Variants in MILR1 observed in about 807,000 individuals in gnomAD.
MILR1 encodes mast cell immunoglobulin like receptor 1.
In MILR1, 31 loss-of-function variants were observed where a neutral mutation model predicts 18.5. That is an observed-to-expected ratio of 1.68 (90% CI 1.26 to 2.26). The LOEUF (loss-of-function observed/expected upper bound fraction) is 2.26. Ranked by LOEUF, MILR1 falls within the 30% of genes most tolerant of loss-of-function variation. MILR1 has a pLI of 0.00. For missense variants in MILR1, 257 were observed against 157.4 expected (o/e 1.63, Z -3.38); for synonymous variants, 85 against 56.2 (o/e 1.51, Z -2.30).
chr17:64,463,385 C>T (rs1013529146), intron 5 of MILR1, among the ~76,000 whole-genome samples: 1 of 152,052 alleles, frequency 6.6e-6, no homozygotes, highest in Admixed American at 6.6e-5. Flanking sequence ...ATTTGGTACA[C>T]GAGTGCAGAA....
the MILR1 span, among the ~76,000 whole-genome samples, chr17:64,480,131 A>C: frequency 1.3e-5 from 2 of 152,244 alleles, no homozygotes; most frequent in African/African-American, 4.8e-5. Context: ...CTGCTGAGGC[A>C]ATTAACTAAA....
At chr17:64,472,166 G>T (rs2144104495), downstream of MILR1, among the ~76,000 whole-genome samples, 1 of 152,078 alleles carries the variant, frequency 6.6e-6, no homozygotes, top group East Asian at 1.9e-4. Context: ...ATTACATTTA[G>T]AAATCATAAA....
chr17:64,467,801 G>A lies in MILR1; in HGVS notation c.*28+156G>A, dbSNP rs2037610081. 4 of 504,550 alleles carry A rather than the reference G, an allele frequency of 7.9e-6. No homozygotes were observed. In the South Asian group the frequency reaches 8.1e-5, roughly 10 times the overall value. 31.3% of individuals were successfully genotyped at this position (504,550 alleles called of 1,614,324 possible). A position where few individuals can be genotyped will look rare whatever the true frequency, so the allele number is the denominator to read the frequency against. ...AATACAAAAATTAGCCAGGTGTGGT[G>A]GTGTGTGTGTGTAGTCCCAGCTACT... On this transcript the variant is annotated intron_variant, in intron 9 of 9. Transcript: ENST00000619286.
intron 9 of MILR1, 35 bp downstream of exon 9, chr17:64,467,680 C>T (rs1260444944): frequency 5.2e-6 from 7 of 1,345,756 alleles, no homozygotes; most frequent in Non-Finnish European, 7.2e-6. Flanking sequence ...TTTCCATGAA[C>T]AAAAAGCAAA....
intron 4 of MILR1, among the ~76,000 whole-genome samples, chr17:64,459,997 TTTATTTA>T (rs869156067): frequency 0.087 from 7,192 of 82,532 alleles, 274 homozygotes; most frequent in Non-Finnish European, 0.11. Flanking sequence ...TTTTATTTTA[TTTATTTA>T]TTTATTTATT....
chr17:64,494,043 C>T, the MILR1 span, among the ~76,000 whole-genome samples: 1 of 152,078 alleles, frequency 6.6e-6, no homozygotes, highest in Non-Finnish European at 1.5e-5. Context: ...CAATTTTCAC[C>T]CCAAATATCT....
intron 3 of MILR1, among the ~76,000 whole-genome samples, chr17:64,457,090 A>C (rs971557494): frequency 6.6e-6 from 1 of 152,184 alleles, no homozygotes; most frequent in Non-Finnish European, 1.5e-5. Context: ...TTCATTATTA[A>C]CAATAAATAG....
chr17:64,493,004 CAT>C, the MILR1 span: 6 of 1,613,988 alleles, frequency 3.7e-6, no homozygotes, highest in African/African-American at 2.7e-5. Flanking sequence ...AGGCAATTAA[CAT>C]AGTGTTCCAA....
At position 64,468,324 on chromosome 17, in the gene MILR1, T is replaced by G; in HGVS notation, c.*43T>G. ...TTTTTTTTGAGATGGAGTCTCACTC[T>G]GTTGCCCAGGCTGGAGTTCAGTAGC... is the stretch of plus-strand genomic sequence containing the variant. On this transcript the variant is annotated 3_prime_UTR_variant, in exon 10 of 10. Transcript: ENST00000619286. The G allele has an allele frequency of 2.2e-6, 1 of 455,172 alleles. No homozygotes were observed. The highest frequency in any genetic ancestry group is 1.6e-5 in the South Asian group (1 of 64,456). The allele number at this position is 455,172 out of a possible 1,614,324, so 28.2% of individuals were successfully genotyped here. A position where few individuals can be genotyped will look rare whatever the true frequency, so the allele number is the denominator to read the frequency against.
chr17:64,487,092 A>G, the MILR1 span: 5 of 152,324 alleles, frequency 3.3e-5, no homozygotes, highest in South Asian at 4.1e-4. Context: ...ACAAAAAAAA[A>G]AGAGAGAAAA....
At chr17:64,459,613 G>A (rs2037378621) in intron 4 of MILR1, among the ~76,000 whole-genome samples, 1 of 152,160 alleles carries the variant, frequency 6.6e-6, no homozygotes, top group African/African-American at 2.4e-5. Context: ...ACTTGGCTAT[G>A]AGTCACAGCC....
the MILR1 span, chr17:64,477,796 G>A: frequency 2.6e-6 from 4 of 1,536,298 alleles, no homozygotes; most frequent in African/African-American, 4.2e-5. Context: ...TAGGAGAGAA[G>A]AATATTTATT....
chr17:64,459,014 G>A lies in MILR1; in HGVS notation c.652+1330G>A, dbSNP rs2037364922. ...CCAGGTCGGGAGCGGGGCAGCCCGG[G>A]ACTTCAGTGGGTTCTGTCCATGCTG... On this transcript the variant is annotated intron_variant, in intron 4 of 9. Transcript: ENST00000619286. 2.0e-5 allele frequency among the ~76,000 whole-genome samples: 3 copies of A among 152,298 alleles called. No homozygotes were observed. The South Asian group carries it at 6.2e-4, about 32-fold the overall frequency.
At chr17:64,477,057 A>G in the MILR1 span, among the ~76,000 whole-genome samples, 1 of 152,198 alleles carries the variant, frequency 6.6e-6, no homozygotes, top group African/African-American at 2.4e-5. Context: ...TCTAACATAT[A>G]TTTTAGTTGC....
intron 3 of MILR1, among the ~76,000 whole-genome samples, chr17:64,456,542 G>T (rs1246515331): frequency 6.6e-6 from 1 of 152,138 alleles, no homozygotes. Flanking sequence ...TGGGCATGGT[G>T]GCTCACACCT....
Position 64,457,568 on chromosome 17 carries a change from C to T in MILR1, c.536C>T (p.Ala179Val), listed in dbSNP as rs1453086107. The T allele has an allele frequency of 8.4e-6, 4 of 475,258 alleles. No homozygotes were observed. Among genetic ancestry groups the T allele is most frequent in the Non-Finnish European group, 1.5e-5 (4 of 259,082 alleles). 29.4% of individuals were successfully genotyped at this position (475,258 alleles called of 1,614,324 possible). The change falls in exon 4 of 10, where the codon GCT becomes GTT. Residue 179 changes from alanine (A) to valine (V), a missense_variant. Physicochemically the swap from Ala to Val is moderately conservative, Grantham distance 64 (BLOSUM62 0). Transcript: ENST00000619286. ...ATTTCCAAGTATGACAGGGAGCCTG[C>T]TGAATTTAACTTAACCAAGAAGAAT... ...PAISKYDREP[A>V]EFNLTKKNPG... is the part of the protein sequence containing the mutation.
At chr17:64,473,302 G>T (rs540873962), downstream of MILR1, among the ~76,000 whole-genome samples, 1,062 of 149,618 alleles carry the variant, frequency 7.1e-3, 12 homozygotes, top group African/African-American at 0.025. Flanking sequence ...AGTGAGCCCA[G>T]ATCGCGCCAC....
chr17:64,456,546 C>A (rs991686653), intron 3 of MILR1, among the ~76,000 whole-genome samples: 1 of 152,078 alleles, frequency 6.6e-6, no homozygotes, highest in African/African-American at 2.4e-5. Context: ...CATGGTGGCT[C>A]ACACCTGAAA....
chr17:64,485,784 C>T, the MILR1 span: 10 of 1,612,878 alleles, frequency 6.2e-6, no homozygotes, highest in Admixed American at 1.7e-4. Context: ...TGGAAAGAAT[C>T]ATAGAGGTAG....
Sources: allele counts gnomAD v4.1 joint callset (sites outside exome capture counted in the v4.1 genomes callset), GRCh38; gene constraint gnomAD v4.1.1; transcripts MANE v1.5; gene names NCBI Gene and HGNC (gene_info 2026-07-23, HGNC 2026-07-21).